RPS7: variants seen among roughly 807,000 people sequenced by gnomAD.
The protein encoded by RPS7 is small ribosomal subunit protein eS7.
In RPS7, 1 loss-of-function variant was observed where a neutral mutation model predicts 22.1. The observed-to-expected ratio is 0.05, with a 90% confidence interval of 0.02 to 0.21. The LOEUF (loss-of-function observed/expected upper bound fraction) is 0.21, where lower values mean the gene tolerates loss of function less well. Ranked by LOEUF, RPS7 falls within the 10% of genes least tolerant of loss-of-function variation. RPS7 has a pLI of 1.00. For missense variants in RPS7, 137 were observed against 246.4 expected (o/e 0.56, Z 2.97); for synonymous variants, 80 against 92.0 (o/e 0.87, Z 0.74).
At chr2:3,577,288 A>G (rs573783329) in intron 4 of RPS7, 2 of 188,418 alleles carry the variant, frequency 1.1e-5, no homozygotes, top group South Asian at 1.8e-4. Flanking sequence ...GTGAGCCGAG[A>G]TCCCGCCACT....
chr2:3,576,240 TG>T (rs1317802906), intron 3 of RPS7: 2 of 598,810 alleles, frequency 3.3e-6, no homozygotes, highest in African/African-American at 1.9e-5. Flanking sequence ...TTGCCGCAAG[TG>T]GGGGTGCAGA....
chr2:3,579,446 TAGAC>T (rs1439139984), intron 5 of RPS7: 1 of 158,936 alleles, frequency 6.3e-6, no homozygotes, highest in African/African-American at 2.4e-5. Flanking sequence ...GGGTGAGACG[TAGAC>T]AGATAACCAT....
At chr2:3,575,734 G>T (rs1165474088) in intron 2 of RPS7, 50 bp downstream of exon 2, 1 of 1,596,922 alleles carries the variant, frequency 6.3e-7, no homozygotes. Flanking sequence ...CCCCGCCCGG[G>T]AGGGGAGGCG....
rs755319217 is a variant in RPS7, at chr2:3,576,643, C to T, written c.291+13C>T. 5 of 1,614,120 alleles carry T rather than the reference C, an allele frequency of 3.1e-6. No homozygotes were observed. The highest frequency in any genetic ancestry group is 1.1e-5 in the South Asian group (1 of 91,086). ...CTTTATCGCTCAGGTATCTGTTCTA[C>T]TGTTGCAGCACGTTTCTGTTTGTGA... On this transcript the variant is annotated intron_variant, in intron 4 of 6. Coordinates refer to ENST00000645674, the MANE Select transcript of RPS7 (RefSeq NM_001011.4).
chr2:3,576,934 A>G, intron 4 of RPS7: 1 of 396,504 alleles, frequency 2.5e-6, no homozygotes, highest in Admixed American at 3.8e-5. Flanking sequence ...AGTCGAAACA[A>G]GAAGTCTGTA....
chr2:3,577,842 T>C, intron 5 of RPS7, 68 bp downstream of exon 5: 1 of 1,108,338 alleles, frequency 9.0e-7, no homozygotes, highest in South Asian at 1.3e-5. Context: ...TTGTTTAAGT[T>C]GTAGTTTATG....
chr2:3,575,325 C>G lies in RPS7; in HGVS notation c.-44C>G, dbSNP rs563293592. 1 of 501,102 alleles carries G rather than the reference C, an allele frequency of 2.0e-6. No individual in the cohort carries two copies. The highest frequency in any genetic ancestry group is 3.6e-6 in the Non-Finnish European group (1 of 281,234). 31.0% of individuals were successfully genotyped at this position (501,102 alleles called of 1,614,324 possible). A position where few individuals can be genotyped will look rare whatever the true frequency, so the allele number is the denominator to read the frequency against. On this transcript the variant is annotated 5_prime_UTR_variant, in exon 1 of 7. Transcript: ENST00000645674. Reference sequence around the variant, plus strand: ...TGACGTGCTCTCGCGAGATTTGGGTCTCTTCCTAAGCCGGCGCTCGGCAAG... The same window carrying G: ...TGACGTGCTCTCGCGAGATTTGGGTGTCTTCCTAAGCCGGCGCTCGGCAAG...
intron 6 of RPS7, 141 bp from the exon 7 acceptor site, chr2:3,580,664 C>G (rs1399537501): frequency 2.9e-6 from 2 of 689,998 alleles, no homozygotes; most frequent in African/African-American, 3.5e-5. Flanking sequence ...TGTCCCCGGT[C>G]GTGAAGACTG....
intron 3 of RPS7, chr2:3,576,211 C>T (rs1305091890): frequency 5.0e-6 from 3 of 594,980 alleles, no homozygotes; most frequent in Non-Finnish European, 8.9e-6. Flanking sequence ...ATGAGATTCT[C>T]TCTACCCTTA....
intron 1 of RPS7, 28 bp from the exon 2 acceptor site, chr2:3,575,564 C>T (rs1268672310): frequency 6.5e-7 from 1 of 1,541,108 alleles, no homozygotes; most frequent in Admixed American, 1.7e-5. Flanking sequence ...CAGCCCGGGC[C>T]GCGTAACGCT....
chr2:3,579,855 T>A, intron 5 of RPS7: 1 of 562,904 alleles, frequency 1.8e-6, no homozygotes, highest in South Asian at 2.1e-5. Flanking sequence ...CCTTGGTGAG[T>A]TTGTAGTTTA....
chr2:3,576,680 A>C, intron 4 of RPS7, 50 bp downstream of exon 4: 1 of 1,599,832 alleles, frequency 6.3e-7, no homozygotes, highest in African/African-American at 1.3e-5. Flanking sequence ...TTTTGCTAAA[A>C]TTGCTTGTAT....
chr2:3,576,086 G>T (rs1279408679), intron 3 of RPS7, 198 bp downstream of exon 3: 3 of 637,744 alleles, frequency 4.7e-6, no homozygotes, highest in African/African-American at 1.8e-5. Flanking sequence ...TGCGGCTTAA[G>T]CTGTCCACAT....
intron 4 of RPS7, chr2:3,577,456 A>G: frequency 1.9e-6 from 1 of 532,244 alleles, no homozygotes; most frequent in South Asian, 2.2e-5. Flanking sequence ...AGGCATGGGG[A>G]AAGGCGTATC....
chr2:3,580,798 C>G lies in RPS7; in HGVS notation c.508-7C>G, dbSNP rs201281565. The G allele has an allele frequency of 6.4e-7, 1 of 1,561,574 alleles. No homozygotes were observed. The highest frequency in any genetic ancestry group is 2.2e-5 in the East Asian group (1 of 44,620). On this transcript the variant is annotated splice_polypyrimidine_tract_variant and splice_region_variant and intron_variant, in intron 6 of 6. Transcript: ENST00000645674. ...AGTTCTGTGATGAATTCTTTCTTTT[C>G]TTGTAGGTTGAAACTTTTTCTGGTG...
Position 3,580,214 on chromosome 2 carries a change from T to C in RPS7, c.461T>C (p.Ile154Thr). Residue 154 changes from isoleucine (I) to threonine (T), a missense_variant, in exon 6 of 7, where the codon ATA (isoleucine) becomes ACA (threonine). By Grantham distance (89) the Ile-to-Thr change is moderately conservative (BLOSUM62 -1). Around this residue, in one of 2 missense-constraint regions of RPS7, gnomAD observed 74 missense variants for 171.4 expected, o/e 0.43. Transcript: ENST00000645674. ...IRVKLDGSRL[I>T]KVHLDKAQQN... is the part of the protein sequence containing the mutation. ...GTCAAACTAGATGGCAGCCGGCTCA[T>C]AAAGGTTCATTTGGACAAAGCACAG... 1 of 1,613,606 alleles carries C rather than the reference T, an allele frequency of 6.2e-7. No individual in the cohort carries two copies. The highest frequency in any genetic ancestry group is 1.1e-5 in the South Asian group (1 of 91,058).
At chr2:3,576,687 G>A in intron 4 of RPS7, 57 bp downstream of exon 4, 1 of 1,565,356 alleles carries the variant, frequency 6.4e-7, no homozygotes, top group East Asian at 2.2e-5. Flanking sequence ...AAAATTGCTT[G>A]TATTTAGACT....
Position 3,576,258 on chromosome 2 carries a change from A to T in RPS7, c.148-229A>T. The T allele has an allele frequency of 1.5e-5, 9 of 612,830 alleles. No homozygotes were observed. The South Asian group carries it at 1.8e-4, about 12-fold the overall frequency. 38.0% of individuals were successfully genotyped at this position (612,830 alleles called of 1,614,324 possible). ...CCGCAAGTGGGGGTGCAGAAGTGGT[A>T]GTGATTGGCCTCCTGGCCTGAACAG... On this transcript the variant is annotated intron_variant, in intron 3 of 6. Coordinates refer to ENST00000645674, the MANE Select transcript of RPS7 (RefSeq NM_001011.4).
intron 1 of RPS7, 74 bp downstream of exon 1, chr2:3,575,424 T>A: frequency 1.6e-6 from 1 of 612,520 alleles, no homozygotes; most frequent in Admixed American, 3.0e-5. Flanking sequence ...AGTCAGGCCC[T>A]GGAGGGGCGA....
Sources: allele counts gnomAD v4.1 joint callset, GRCh38; gene constraint gnomAD v4.1.1; regional missense constraint gnomAD v4.1.1; transcripts MANE v1.5; gene names NCBI Gene and HGNC (gene_info 2026-07-23, HGNC 2026-07-21).